MACROD2: variants seen among roughly 807,000 people sequenced by gnomAD.
MACROD2 encodes ADP-ribose glycohydrolase MACROD2.
A neutral mutation model predicts 70.4 loss-of-function variants in MACROD2; 36 were observed. The ratio of observed to expected loss-of-function variants is 0.51; its 90% CI spans 0.39 to 0.68. The LOEUF is 0.68. Among genes scored for constraint, MACROD2 ranks in the 30% least tolerant of loss-of-function variants. MACROD2 has a pLI of 0.00. For missense variants in MACROD2, 496 were observed against 538.4 expected (o/e 0.92, Z 0.78); for synonymous variants, 172 against 178.8 (o/e 0.96, Z 0.30).
intron 3 of MACROD2, among the ~76,000 whole-genome samples, chr20:14,434,310 C>CT (rs2084030452): frequency 6.6e-6 from 1 of 152,090 alleles, no homozygotes; most frequent in Non-Finnish European, 1.5e-5. Flanking sequence ...TATTTTGAAT[C>CT]TTTTTTGTAT....
chr20:14,629,989 A>G (rs1984418242), intron 4 of MACROD2, among the ~76,000 whole-genome samples: 1 of 151,908 alleles, frequency 6.6e-6, no homozygotes, highest in Non-Finnish European at 1.5e-5. Context: ...CTATCTATCT[A>G]TCTATCTATC....
At chr20:15,922,225 C>T (rs773837900) in intron 10 of MACROD2, among the ~76,000 whole-genome samples, 2 of 152,178 alleles carry the variant, frequency 1.3e-5, no homozygotes, top group African/African-American at 2.4e-5. Flanking sequence ...CTCTTTTCCC[C>T]ACTAGTTATC....
chr20:14,917,852 A>G (rs2041346723), intron 5 of MACROD2, among the ~76,000 whole-genome samples: 2 of 152,170 alleles, frequency 1.3e-5, no homozygotes, highest in Admixed American at 6.5e-5. Context: ...GCGAAAGTCA[A>G]ATTTCACTAG....
At chr20:15,234,649 A>G in intron 6 of MACROD2, among the ~76,000 whole-genome samples, 1 of 152,174 alleles carries the variant, frequency 6.6e-6, no homozygotes, top group East Asian at 1.9e-4. Flanking sequence ...TATATCCTGA[A>G]ACAATGAAAA....
At chr20:14,094,537 A>G (rs150441380) in intron 3 of MACROD2, among the ~76,000 whole-genome samples, 12 of 152,232 alleles carry the variant, frequency 7.9e-5, no homozygotes, top group African/African-American at 2.9e-4. Flanking sequence ...TCTCTGTAGT[A>G]TACAATACTG....
chr20:14,631,377 C>G (rs1012101191), intron 4 of MACROD2, among the ~76,000 whole-genome samples: 15 of 152,192 alleles, frequency 9.9e-5, no homozygotes, highest in African/African-American at 3.4e-4. Context: ...GCCTATAAAG[C>G]CATACTCCTG....
chr20:14,706,793 C>G (rs867517592), intron 5 of MACROD2, among the ~76,000 whole-genome samples: 1 of 152,066 alleles, frequency 6.6e-6, no homozygotes, highest in Non-Finnish European at 1.5e-5. Context: ...CAAGCACCGC[C>G]GAGACTGAAG....
intron 5 of MACROD2, among the ~76,000 whole-genome samples, chr20:14,862,230 T>A (rs1214256829): frequency 2.7e-5 from 1 of 36,626 alleles, no homozygotes; most frequent in African/African-American, 9.8e-5. Context: ...TAAATATATA[T>A]AAATATATAT....
At chr20:14,697,209 T>C (rs1463913873) in intron 5 of MACROD2, among the ~76,000 whole-genome samples, 2 of 152,212 alleles carry the variant, frequency 1.3e-5, no homozygotes, top group Non-Finnish European at 2.9e-5. Flanking sequence ...TTCCTCCATA[T>C]GTCCGGGATA....
At chr20:15,689,815 C>T (rs148283344) in intron 8 of MACROD2, among the ~76,000 whole-genome samples, 3 of 152,142 alleles carry the variant, frequency 2.0e-5, no homozygotes, top group Admixed American at 6.5e-5. Context: ...TGGTTGGTGA[C>T]GATTATGAAA....
At chr20:16,025,643 C>T (rs1400637922) in intron 15 of MACROD2, among the ~76,000 whole-genome samples, 10 of 149,716 alleles carry the variant, frequency 6.7e-5, no homozygotes, top group Non-Finnish European at 2.9e-5. Context: ...CATCACAGAC[C>T]CAACTGCTGT....
intron 5 of MACROD2, among the ~76,000 whole-genome samples, chr20:14,983,229 A>T (rs2074817816): frequency 6.6e-6 from 1 of 152,164 alleles, no homozygotes; most frequent in African/African-American, 2.4e-5. Context: ...TCTAGGAAAT[A>T]ACTAACTTGC....
At chr20:15,750,116 A>G (rs2051246012) in intron 8 of MACROD2, among the ~76,000 whole-genome samples, 1 of 152,118 alleles carries the variant, frequency 6.6e-6, no homozygotes, top group African/African-American at 2.4e-5. Context: ...AGGAGCTGAT[A>G]CCAAGAATAT....
intron 5 of MACROD2, among the ~76,000 whole-genome samples, chr20:14,851,583 T>G (rs1194252226): frequency 6.6e-6 from 1 of 152,156 alleles, no homozygotes; most frequent in Non-Finnish European, 1.5e-5. Context: ...AACACAATAC[T>G]GTCTTAGGAG....
chr20:14,581,013 A>G (rs746642420), intron 4 of MACROD2, among the ~76,000 whole-genome samples: 15 of 152,230 alleles, frequency 9.9e-5, no homozygotes, highest in African/African-American at 3.4e-4. Context: ...ACGAGTAACT[A>G]TAATACCAAT....
At chr20:15,709,881 T>C (rs2050598623) in intron 8 of MACROD2, among the ~76,000 whole-genome samples, 1 of 152,146 alleles carries the variant, frequency 6.6e-6, no homozygotes, top group East Asian at 1.9e-4. Flanking sequence ...TAGAACTTAT[T>C]TGTCCTATCA....
chr20:15,189,341 A>T (rs185056842), intron 5 of MACROD2, among the ~76,000 whole-genome samples: 2 of 152,130 alleles, frequency 1.3e-5, no homozygotes, highest in East Asian at 3.9e-4. Flanking sequence ...TATGTGTGTA[A>T]ATATATGTGT....
intron 5 of MACROD2, among the ~76,000 whole-genome samples, chr20:14,963,004 C>A (rs978866715): frequency 6.6e-5 from 10 of 152,226 alleles, no homozygotes; most frequent in African/African-American, 2.4e-4. Context: ...ATGTCTTTTC[C>A]TACTTAAATT....
chr20:14,330,042 G>GA (rs941715446), intron 3 of MACROD2, among the ~76,000 whole-genome samples: 24 of 150,510 alleles, frequency 1.6e-4, no homozygotes, highest in South Asian at 8.4e-4. Context: ...TACTGAGTTT[G>GA]AAAAAAAAAT....
Sources: gnomAD v4.1 joint callset for allele counts (sites outside exome capture counted in the v4.1 genomes callset) on GRCh38, gnomAD v4.1.1 for gene constraint, MANE v1.5 for transcripts, NCBI Gene and HGNC (gene_info 2026-07-23, HGNC 2026-07-21) for gene names.